ERBB4: variants seen among roughly 807,000 people sequenced by gnomAD.
The protein encoded by ERBB4 is receptor tyrosine-protein kinase erbB-4.
ERBB4 carries 42 observed loss-of-function variants against 158.0 expected under a neutral mutation model. The observed-to-expected ratio is 0.27, with a 90% CI of 0.21 to 0.34. The LOEUF (loss-of-function observed/expected upper bound fraction) is 0.34, where lower values mean the gene tolerates loss of function less well. Among genes scored for constraint, ERBB4 ranks in the 10% least tolerant of loss-of-function variants. ERBB4 has a pLI of 1.00. For synonymous variants in ERBB4, 583 were observed against 558.7 expected (o/e 1.04, Z -0.61); for missense variants, 1,333 against 1,624.1 (o/e 0.82, Z 3.08).
In ERBB4 at chr2:211,452,390, C is replaced by A. The variant is rs566819416; in HGVS notation, c.2488-21290G>T. On this transcript the variant is annotated intron_variant, in intron 20 of 27. Coordinates refer to ENST00000342788, the MANE Select transcript of ERBB4 (RefSeq NM_005235.3). Reference sequence around the variant, plus strand: ...ACAGGGTTTCACCATGTTGGACAGGCTGGTCTCGAACTCCTGACCTTGTGA... The same window carrying A: ...ACAGGGTTTCACCATGTTGGACAGGATGGTCTCGAACTCCTGACCTTGTGA... Among the ~76,000 whole-genome samples, 10 of 152,202 alleles carry A rather than the reference C, an allele frequency of 6.6e-5. No individual in the cohort carries two copies. In the East Asian group the frequency reaches 1.6e-3, roughly 24 times the overall value.
intron 2 of ERBB4, among the ~76,000 whole-genome samples, chr2:212,034,457 G>A (rs1485716798): frequency 6.6e-6 from 1 of 151,888 alleles, no homozygotes; most frequent in South Asian, 2.1e-4. Context: ...CCCAGCTAAT[G>A]GACAAAGCAA....
At chr2:211,998,529 C>CAAA (rs36008694) in intron 2 of ERBB4, among the ~76,000 whole-genome samples, 2 of 116,316 alleles carry the variant, frequency 1.7e-5, no homozygotes, top group African/African-American at 3.3e-5. Flanking sequence ...CTCATACTGC[C>CAAA]AAAAAAAAAA....
intron 3 of ERBB4, among the ~76,000 whole-genome samples, chr2:211,934,677 C>CT (rs1046112306): frequency 2.6e-5 from 4 of 151,830 alleles, no homozygotes; most frequent in South Asian, 2.1e-4. Flanking sequence ...AACTAATTGT[C>CT]TTTTTTTGTC....
rs368466290 is a variant in ERBB4 at position 211,976,284 on chromosome 2, A to C, written c.235-28668T>G. ...GGAATGAGGAAAGATACCTGAGGCC[A>C]AATTTACTTAATTGTTCAGTGATAA... On this transcript the variant is annotated intron_variant, in intron 2 of 27. Coordinates refer to ENST00000342788, the MANE Select transcript of ERBB4 (RefSeq NM_005235.3). 8.7e-4 allele frequency among the ~76,000 whole-genome samples: 133 copies of C among 152,308 alleles called. 3 individuals are homozygous for C. The South Asian group carries it at 0.024, about 28-fold the overall frequency.
At chr2:212,166,884 G>C (rs1304993800) in intron 1 of ERBB4, among the ~76,000 whole-genome samples, 1 of 152,108 alleles carries the variant, frequency 6.6e-6, no homozygotes, top group Non-Finnish European at 1.5e-5. Context: ...AAACTGGCTA[G>C]CCATCTGCAG....
intron 5 of ERBB4, among the ~76,000 whole-genome samples, chr2:211,730,270 G>A (rs545509229): frequency 2.6e-5 from 4 of 151,878 alleles, no homozygotes; most frequent in African/African-American, 7.2e-5. Context: ...AATATTTATT[G>A]TTGCTTCCTA....
rs149800322 is a variant in ERBB4, at chr2:211,722,479, A to G, written c.797T>C (p.Phe266Ser). ...TTGAAAGGTGGTTGGATTGTAGACA[A>G]AGGTTTGGGGACACTGAGTAACACA... ...GACVTQCPQT[F>S]VYNPTTFQLE... The change falls in exon 7 of 28, where the codon TTT becomes TCT. Residue 266 changes from phenylalanine (F) to serine (S), a missense_variant. Phe to Ser is a radical substitution (Grantham distance 155). Transcript: ENST00000342788. 6.2e-7 allele frequency: 1 copy of G among 1,614,010 alleles called. No individual in the cohort carries two copies. The highest frequency in any genetic ancestry group is 1.3e-5 in the African/African-American group (1 of 75,044).
At chr2:211,413,660 C>T (rs1414185782) in intron 25 of ERBB4, among the ~76,000 whole-genome samples, 3 of 152,014 alleles carry the variant, frequency 2.0e-5, no homozygotes, top group Admixed American at 1.3e-4. Flanking sequence ...AACTTGTGTC[C>T]ATAGGGTTTT....
In ERBB4 at chr2:211,876,146, A is replaced by G. The variant is rs570775046; in HGVS notation, c.421+71284T>C. On this transcript the variant is annotated intron_variant, in intron 3 of 27. Transcript: ENST00000342788. ...TTCACTTACTTCAGTGACACATTCA[A>G]TTTTTGATCAAGAAAAGTAGTCAAA... Among the ~76,000 whole-genome samples the G allele has an allele frequency of 1.6e-3, 243 of 152,278 alleles. 1 individual carries two copies. The highest frequency in any genetic ancestry group is 5.5e-3 in the African/African-American group (230 of 41,550).
At chr2:212,100,607 T>A (rs1490035843) in intron 2 of ERBB4, among the ~76,000 whole-genome samples, 1 of 152,094 alleles carries the variant, frequency 6.6e-6, no homozygotes. Flanking sequence ...AGGTACAGGA[T>A]ACAAAAATAA....
In ERBB4 at chr2:212,028,528, A is replaced by C. The variant is rs527307308; in HGVS notation, c.235-80912T>G. On this transcript the variant is annotated intron_variant, in intron 2 of 27. Transcript: ENST00000342788. ...AAAGCTGTCTCAGTTGGCTTTAATA[A>C]ACTACCAAAGTACTTTTGTTTCGTT... is the stretch of plus-strand genomic sequence containing the variant. Among the ~76,000 whole-genome samples, 7 of 152,236 alleles carry C rather than the reference A, an allele frequency of 4.6e-5. No homozygotes were observed. The South Asian group carries it at 1.5e-3, about 32-fold the overall frequency.
intron 20 of ERBB4, among the ~76,000 whole-genome samples, chr2:211,470,180 C>T (rs13025469): frequency 0.19 from 29,194 of 151,918 alleles, 2,964 homozygotes; most frequent in East Asian, 0.29. Context: ...GAAAGAAGTA[C>T]GTCCCACACT....
intron 25 of ERBB4, among the ~76,000 whole-genome samples, chr2:211,390,299 A>T (rs2062774502): frequency 6.6e-6 from 1 of 152,248 alleles, no homozygotes; most frequent in East Asian, 1.9e-4. Flanking sequence ...GAGAATTTGC[A>T]CTATCAATTA....
chr2:211,852,545 C>T (rs1478124728), intron 3 of ERBB4, among the ~76,000 whole-genome samples: 1 of 151,368 alleles, frequency 6.6e-6, no homozygotes, highest in Non-Finnish European at 1.5e-5. Context: ...CCTCAAATTA[C>T]ATTGTTTTGT....
intron 27 of ERBB4, among the ~76,000 whole-genome samples, chr2:211,385,462 C>A (rs142051205): frequency 8.5e-5 from 13 of 152,192 alleles, no homozygotes; most frequent in Admixed American, 3.9e-4. Flanking sequence ...ATTGCCCCTG[C>A]AGGAGTTGGG....
intron 19 of ERBB4, among the ~76,000 whole-genome samples, chr2:211,576,512 T>C (rs1170736593): frequency 6.6e-6 from 1 of 152,184 alleles, no homozygotes. Flanking sequence ...GTTATTTTGT[T>C]GTATGTTACC....
intron 1 of ERBB4, among the ~76,000 whole-genome samples, chr2:212,331,444 T>TA (rs2106294696): frequency 6.6e-6 from 1 of 151,730 alleles, no homozygotes; most frequent in East Asian, 2.0e-4. Flanking sequence ...CAAACAGTAA[T>TA]AAAAATTTTT....
At chr2:212,057,546 C>T (rs966804040) in intron 2 of ERBB4, among the ~76,000 whole-genome samples, 5 of 152,176 alleles carry the variant, frequency 3.3e-5, no homozygotes, top group Admixed American at 2.0e-4. Context: ...CACTCCTCAG[C>T]AAATGTAAAA....
intron 1 of ERBB4, among the ~76,000 whole-genome samples, chr2:212,226,227 C>G (rs1335288771): frequency 1.3e-5 from 2 of 152,112 alleles, no homozygotes; most frequent in Non-Finnish European, 2.9e-5. Context: ...GATCCTTGTC[C>G]TACAGCTGCA....
Sources: allele counts gnomAD v4.1 joint callset (sites outside exome capture counted in the v4.1 genomes callset), GRCh38; gene constraint gnomAD v4.1.1; transcripts MANE v1.5; gene names NCBI Gene and HGNC (gene_info 2026-07-23, HGNC 2026-07-21).